Variants in DYNLT2 observed in about 807,000 individuals in gnomAD.
DYNLT2 encodes the protein dynein light chain Tctex-type protein 2.
A neutral mutation model predicts 24.3 loss-of-function variants in DYNLT2; 24 were observed. The ratio of observed to expected loss-of-function variants is 0.99; its 90% CI spans 0.71 to 1.39. The LOEUF (loss-of-function observed/expected upper bound fraction) is 1.39, where lower values mean the gene tolerates loss of function less well. DYNLT2 is among the 40% of genes most tolerant of loss of function. DYNLT2 has a pLI of 0.00. For missense variants in DYNLT2, 246 were observed against 234.5 expected (o/e 1.05, Z -0.32); for synonymous variants, 85 against 85.4 (o/e 1.00, Z 0.03).
At position 169,743,216 on chromosome 6, in the gene DYNLT2, T is replaced by C. The variant is rs1029281509; in HGVS notation, c.350A>G (p.Tyr117Cys). ...CAAGTGAGAGAATACTTTATCATCATATTTGACATCTTTAAGACTTTCCTT... is the reference window on the plus strand; with the variant it reads ...CAAGTGAGAGAATACTTTATCATCACATTTGACATCTTTAAGACTTTCCTT... ...ILTESLKDVKYDDKVFSHLSL... is the reference protein window; with the variant it reads ...ILTESLKDVKCDDKVFSHLSL... The change falls in exon 3 of 4, where the codon TAT becomes TGT. Residue 117 changes from tyrosine (Y) to cysteine (C), a missense_variant. Coordinates refer to ENST00000366774, the MANE Select transcript of DYNLT2 (RefSeq NM_174910.3). 1.9e-6 allele frequency: 3 copies of C among 1,551,928 alleles called. No individual in the cohort carries two copies. Among genetic ancestry groups the C allele is most frequent in the South Asian group, 2.5e-5 (2 of 79,826 alleles).
rs1484688580 is a variant in DYNLT2 at position 169,740,233 on chromosome 6, T to C, written c.549A>G (p.Ala183=). 1 of 1,614,052 alleles carries C rather than the reference T, an allele frequency of 6.2e-7. No individual in the cohort carries two copies. Among genetic ancestry groups the C allele is most frequent in the Non-Finnish European group, 8.5e-7 (1 of 1,180,002 alleles). ...WDSWVAAKHE[A]ESYVALVLVF... is the part of the protein sequence containing the mutation. The stretch of plus-strand genomic sequence containing the variant: ...CCAAGACCAGTGCCACGTAGGATTC[T>C]GCTTCGTGTTTAGCTGCGACCCAGC... Residue 183 remains alanine, a synonymous_variant, in exon 4 of 4, where the codon GCA becomes GCG. Transcript: ENST00000366774.
chr6:169,727,722 C>A, the DYNLT2 span, among the ~76,000 whole-genome samples: 3 of 152,060 alleles, frequency 2.0e-5, no homozygotes, highest in African/African-American at 7.3e-5. Flanking sequence ...CGCTACCACA[C>A]CTGGCTAATT....
chr6:169,743,267 T>C, intron 2 of DYNLT2, 29 bp from the exon 3 acceptor site: 1 of 1,357,628 alleles, frequency 7.4e-7, no homozygotes, highest in Non-Finnish European at 9.8e-7. Context: ...AAAATACTTT[T>C]ATTTTCAAAC....
At chr6:169,742,615 C>T (rs1419625544) in intron 3 of DYNLT2, among the ~76,000 whole-genome samples, 1 of 151,994 alleles carries the variant, frequency 6.6e-6, no homozygotes, top group Non-Finnish European at 1.5e-5. Flanking sequence ...TTGTACTTTT[C>T]TTTCTTTTTT....
intron 1 of DYNLT2, among the ~76,000 whole-genome samples, chr6:169,749,092 GTTTAAGA>G (rs1274340577): frequency 1.3e-5 from 2 of 151,988 alleles, no homozygotes; most frequent in South Asian, 4.2e-4. Flanking sequence ...ACATGCTAGT[GTTTAAGA>G]TTTTTTTTTT....
Position 169,740,258 on chromosome 6 carries a change from C to T in DYNLT2, c.524G>A (p.Ser175Asn), listed in dbSNP as rs1789648425. The T allele has an allele frequency of 1.9e-6, 3 of 1,614,108 alleles. No individual in the cohort carries two copies. The highest frequency in any genetic ancestry group is 2.5e-6 in the Non-Finnish European group (3 of 1,180,002). The stretch of plus-strand genomic sequence containing the variant: ...TGCTTCGTGTTTAGCTGCGACCCAG[C>T]TGTCCCATGCAATGTCCCAGATCCA... Reference protein sequence around the residue: ...SRWIWDIAWDSWVAAKHEAES... With the variant: ...SRWIWDIAWDNWVAAKHEAES... Residue 175 changes from serine to asparagine, a missense_variant, in exon 4 of 4, where the codon AGC becomes AAC. Coordinates refer to ENST00000366774, the MANE Select transcript of DYNLT2 (RefSeq NM_174910.3).
At chr6:169,749,064 C>T (rs188556388) in intron 1 of DYNLT2, among the ~76,000 whole-genome samples, 4 of 152,074 alleles carry the variant, frequency 2.6e-5, no homozygotes, top group African/African-American at 9.7e-5. Flanking sequence ...GGAGATATTA[C>T]TTTTATTTCT....
intron 1 of DYNLT2, among the ~76,000 whole-genome samples, chr6:169,747,700 G>A (rs9478101): frequency 0.024 from 3,649 of 152,128 alleles, 59 homozygotes; most frequent in Non-Finnish European, 0.035. Flanking sequence ...TAAATTTGAC[G>A]AAAACTAATA....
intron 3 of DYNLT2, among the ~76,000 whole-genome samples, chr6:169,740,745 G>A (rs535451010): frequency 9.2e-5 from 14 of 152,100 alleles, no homozygotes; most frequent in Admixed American, 5.2e-4. Flanking sequence ...CCTTTTCTCT[G>A]TGTACAAACC....
chr6:169,726,872 T>C, the DYNLT2 span, among the ~76,000 whole-genome samples: 4 of 152,098 alleles, frequency 2.6e-5, no homozygotes, highest in African/African-American at 7.2e-5. Context: ...CTGGAAATAC[T>C]GATAAGGGGG....
At chr6:169,750,269 C>T (rs764564586) in intron 1 of DYNLT2, 1 of 152,204 alleles carries the variant, frequency 6.6e-6, no homozygotes, top group Non-Finnish European at 1.5e-5. Context: ...TGACCTGTTA[C>T]TCAGACTCAT....
At chr6:169,730,365 T>C in the DYNLT2 span, among the ~76,000 whole-genome samples, 1 of 152,208 alleles carries the variant, frequency 6.6e-6, no homozygotes, top group Non-Finnish European at 1.5e-5. Context: ...TAAAAGATTA[T>C]ATATTCAGAT....
the DYNLT2 span, chr6:169,725,195 C>G: frequency 3.0e-5 from 12 of 398,728 alleles, no homozygotes; most frequent in Non-Finnish European, 4.9e-5. Flanking sequence ...CCGGGGCGGC[C>G]CGCCGTACAG....
At chr6:169,746,881 C>T (rs989202199) in intron 1 of DYNLT2, among the ~76,000 whole-genome samples, 3 of 151,116 alleles carry the variant, frequency 2.0e-5, no homozygotes, top group African/African-American at 7.3e-5. Context: ...TTTTTCCCTA[C>T]TTGCTTAAGT....
the DYNLT2 span, among the ~76,000 whole-genome samples, chr6:169,731,071 T>C: frequency 6.6e-6 from 1 of 151,946 alleles, no homozygotes; most frequent in African/African-American, 2.4e-5. Flanking sequence ...GGTCTCAACA[T>C]AGCTTATTGG....
At chr6:169,736,617 T>C (rs1227506787), downstream of DYNLT2, among the ~76,000 whole-genome samples, 1 of 152,248 alleles carries the variant, frequency 6.6e-6, no homozygotes, top group East Asian at 1.9e-4. Context: ...AAAATTATTT[T>C]CTTTAAGAAT....
At chr6:169,750,034 G>A (rs1357932743) in intron 1 of DYNLT2, 1 of 152,200 alleles carries the variant, frequency 6.6e-6, no homozygotes, top group Non-Finnish European at 1.5e-5. Context: ...CAACTTTAAA[G>A]ATAGCTATAA....
intron 1 of DYNLT2, among the ~76,000 whole-genome samples, chr6:169,747,784 T>C (rs1234020314): frequency 6.6e-6 from 1 of 152,242 alleles, no homozygotes; most frequent in Non-Finnish European, 1.5e-5. Flanking sequence ...TTTTACTGCT[T>C]CTTCAATTTT....
chr6:169,730,111 TTAAC>T, the DYNLT2 span, among the ~76,000 whole-genome samples: 2 of 152,212 alleles, frequency 1.3e-5, no homozygotes, highest in East Asian at 1.9e-4. Flanking sequence ...CTGGTATTAT[TTAAC>T]TAAACCACAG....
Sources: gnomAD v4.1 joint callset for allele counts (sites outside exome capture counted in the v4.1 genomes callset) on GRCh38, gnomAD v4.1.1 for gene constraint, MANE v1.5 for transcripts, NCBI Gene and HGNC (gene_info 2026-07-23, HGNC 2026-07-21) for gene names.